RIMS3: variants seen among roughly 807,000 people sequenced by gnomAD.
RIMS3 encodes regulating synaptic membrane exocytosis 3.
Under a neutral mutation model 29.2 loss-of-function variants are expected in RIMS3, and 15 were observed. The observed-to-expected ratio is 0.51, with a 90% CI of 0.34 to 0.79. The LOEUF is 0.79. Ranked by LOEUF, RIMS3 falls within the 30% of genes least tolerant of loss-of-function variation. The pLI is 0.01. For missense variants in RIMS3, 342 were observed against 421.4 expected, an observed-to-expected ratio of 0.81 and a Z score of 1.65; for synonymous variants, 161 against 170.1, an observed-to-expected ratio of 0.95 and a Z score of 0.41.
In RIMS3 at chr1:40,654,186, C is replaced by T. The variant is rs986835944; in HGVS notation, c.-206-6344G>A. ...CCCCCTCCCCGCCCCTCCCCCGCGC[C>T]GCTGACGAGGCCGGATCAATATTTC... On this transcript the variant is annotated intron_variant, in intron 1 of 7. Coordinates refer to ENST00000372684, the MANE Select transcript of RIMS3 (RefSeq NM_014747.3). The surrounding 1 kb of genome is among the most constrained non-coding windows in gnomAD (Gnocchi z 5.3). Among the ~76,000 whole-genome samples, 3 of 151,736 alleles carry T rather than the reference C, an allele frequency of 2.0e-5. No individual in the cohort carries two copies. Among genetic ancestry groups the T allele is most frequent in the Non-Finnish European group, 4.4e-5 (3 of 67,894 alleles).
At chr1:40,660,310 C>A (rs1427017243) in intron 1 of RIMS3, among the ~76,000 whole-genome samples, 1 of 151,192 alleles carries the variant, frequency 6.6e-6, no homozygotes, top group Non-Finnish European at 1.5e-5. Context: ...TGGACCTGAA[C>A]TGAAGCTGAT....
chr1:40,648,539 G>C (rs911131819), intron 1 of RIMS3, among the ~76,000 whole-genome samples: 2 of 152,256 alleles, frequency 1.3e-5, no homozygotes, highest in Non-Finnish European at 2.9e-5. Context: ...GATAATGCCT[G>C]CTTTAGGATT....
intron 3 of RIMS3, among the ~76,000 whole-genome samples, chr1:40,641,341 T>C (rs971944104): frequency 6.6e-6 from 1 of 152,196 alleles, no homozygotes; most frequent in African/African-American, 2.4e-5. Context: ...GCCAGGATCA[T>C]AAGGCTGTTT....
chr1:40,636,464 G>T lies in RIMS3; in HGVS notation c.218-407C>A, dbSNP rs1387264090. ...TCTTCTGGAAAGTTCATCTTCTCTG[G>T]GATTCTCAGACTGACTTTCCCTCTT... On this transcript the variant is annotated intron_variant, in intron 3 of 7. Coordinates refer to ENST00000372684, the MANE Select transcript of RIMS3 (RefSeq NM_014747.3). This position sits in a 1 kb window ranked among gnomAD's most constrained non-coding sequence, Gnocchi z 4.2. Among the ~76,000 whole-genome samples the T allele has an allele frequency of 6.6e-6, 1 of 152,044 alleles. No homozygotes were observed. The highest frequency in any genetic ancestry group is 1.5e-5 in the Non-Finnish European group (1 of 68,020).
At chr1:40,671,650 G>C in the RIMS3 span, among the ~76,000 whole-genome samples, 6 of 152,122 alleles carry the variant, frequency 3.9e-5, no homozygotes, top group East Asian at 9.7e-4. Flanking sequence ...CTTCAGCCAT[G>C]ATTGGAAGCT....
intron 3 of RIMS3, among the ~76,000 whole-genome samples, chr1:40,637,941 C>G (rs994624556): frequency 5.3e-5 from 8 of 152,194 alleles, no homozygotes; most frequent in African/African-American, 1.9e-4. Flanking sequence ...CTTCATATCT[C>G]TACCCCACAA....
At chr1:40,642,703 C>T (rs769814771) in intron 2 of RIMS3, among the ~76,000 whole-genome samples, 8 of 151,980 alleles carry the variant, frequency 5.3e-5, no homozygotes, top group Admixed American at 2.0e-4. Context: ...TGCCTGTAAT[C>T]CTAGCACTTT....
At position 40,636,155 on chromosome 1, in the gene RIMS3, G is replaced by A. The variant is rs1570176677; in HGVS notation, c.218-98C>T. On this transcript the variant is annotated intron_variant, in intron 3 of 7. Coordinates refer to ENST00000372684, the MANE Select transcript of RIMS3 (RefSeq NM_014747.3). The surrounding 1 kb of genome is among the most constrained non-coding windows in gnomAD (Gnocchi z 4.2). ...TGCCAAAGTCACTCTCTTGGCATGGGGGGTTGATGGGGAGGATGAGCAGGG... is the reference window on the plus strand; with the variant it reads ...TGCCAAAGTCACTCTCTTGGCATGGAGGGTTGATGGGGAGGATGAGCAGGG... 12 of 1,443,348 alleles carry A rather than the reference G, an allele frequency of 8.3e-6. No individual in the cohort carries two copies. The highest frequency in any genetic ancestry group is 6.0e-5 in the South Asian group (5 of 83,282). The allele number at this position is 1,443,348 out of a possible 1,614,324, so 89.4% of individuals were successfully genotyped here.
intron 5 of RIMS3, among the ~76,000 whole-genome samples, chr1:40,631,300 C>T (rs1039010447): frequency 2.6e-5 from 4 of 152,132 alleles, no homozygotes; most frequent in African/African-American, 9.7e-5. Context: ...CTAACAGGAC[C>T]AAGCGTAGGC....
the RIMS3 span, among the ~76,000 whole-genome samples, chr1:40,680,846 C>T: frequency 6.6e-6 from 1 of 152,158 alleles, no homozygotes; most frequent in East Asian, 1.9e-4. Flanking sequence ...ATTTGAAACA[C>T]ATTGTCCATA....
At position 40,623,141 on chromosome 1, in the gene RIMS3, C is replaced by T; in HGVS notation, c.*3376G>A. The T allele has an allele frequency of 3.0e-6, 1 of 336,872 alleles. No individual in the cohort carries two copies. The highest frequency in any genetic ancestry group is 5.3e-6 in the Non-Finnish European group (1 of 187,280). The allele number at this position is 336,872 out of a possible 1,614,324, so 20.9% of individuals were successfully genotyped here. A position where few individuals can be genotyped will look rare whatever the true frequency, so the allele number is the denominator to read the frequency against. Reference sequence around the variant, plus strand: ...TGGCCTTTCTTGGAGCTCCTGGGTTCTGCCTCAGCCCCCATGAAATGCTGG... The same window carrying T: ...TGGCCTTTCTTGGAGCTCCTGGGTTTTGCCTCAGCCCCCATGAAATGCTGG... On this transcript the variant is annotated 3_prime_UTR_variant, in exon 8 of 8. Transcript: ENST00000372684.
At position 40,626,156 on chromosome 1, in the gene RIMS3, C is replaced by A; in HGVS notation, c.*361G>T. On this transcript the variant is annotated 3_prime_UTR_variant, in exon 8 of 8. Transcript: ENST00000372684. ...GGACCAGGCAGCACCGACCAGTGGCCGCATGCCCCACCTCCATCCCTGGAG... is the reference window on the plus strand; with the variant it reads ...GGACCAGGCAGCACCGACCAGTGGCAGCATGCCCCACCTCCATCCCTGGAG... The A allele has an allele frequency of 2.8e-6, 1 of 353,636 alleles. No homozygotes were observed. The highest frequency in any genetic ancestry group is 6.7e-5 in the East Asian group (1 of 14,922). The allele number at this position is 353,636 out of a possible 1,614,324, so 21.9% of individuals were successfully genotyped here. A position where few individuals can be genotyped will look rare whatever the true frequency, so the allele number is the denominator to read the frequency against.
chr1:40,660,991 C>T (rs1202018269), intron 1 of RIMS3, among the ~76,000 whole-genome samples: 1 of 152,122 alleles, frequency 6.6e-6, no homozygotes, highest in African/African-American at 2.4e-5. Context: ...TGAGAGAGTC[C>T]TCCCTTCTCC....
the RIMS3 span, among the ~76,000 whole-genome samples, chr1:40,677,893 C>A: frequency 6.6e-6 from 1 of 152,086 alleles, no homozygotes; most frequent in Non-Finnish European, 1.5e-5. Flanking sequence ...TAACCTGTAC[C>A]CTCTACAGAG....
At chr1:40,642,124 TAA>T (rs962344294) in intron 2 of RIMS3, among the ~76,000 whole-genome samples, 168 bp from the exon 3 acceptor site, 5 of 152,190 alleles carry the variant, frequency 3.3e-5, no homozygotes, top group Non-Finnish European at 5.9e-5. Flanking sequence ...TCTGGCTCAA[TAA>T]AAGAGACTAT....
chr1:40,675,421 T>C, the RIMS3 span, among the ~76,000 whole-genome samples: 27 of 151,732 alleles, frequency 1.8e-4, 1 homozygote, highest in South Asian at 2.7e-3. Context: ...CAGGAATTCA[T>C]GACCAGCCTA....
At position 40,643,026 on chromosome 1, in the gene RIMS3, T is replaced by G. The variant is rs959942658; in HGVS notation, c.-31-1070A>C. On this transcript the variant is annotated intron_variant, in intron 2 of 7. Transcript: ENST00000372684. ...TAACACTATGTATGCTACCGTGATA[T>G]TCCATTGTATAGAAGTAGCATAATT... 3.3e-4 allele frequency among the ~76,000 whole-genome samples: 50 copies of G among 152,190 alleles called. 2 individuals carry two copies.
At chr1:40,660,874 G>A (rs1447993245) in intron 1 of RIMS3, among the ~76,000 whole-genome samples, 1 of 152,118 alleles carries the variant, frequency 6.6e-6, no homozygotes, top group Non-Finnish European at 1.5e-5. Context: ...TGGCAAATCA[G>A]GACCATGAAA....
chr1:40,687,857 T>C, the RIMS3 span, among the ~76,000 whole-genome samples: 8 of 152,330 alleles, frequency 5.3e-5, no homozygotes, highest in East Asian at 1.3e-3. Flanking sequence ...CCAGTTCAAA[T>C]GTCACATCCT....
Sources: allele counts gnomAD v4.1 joint callset (sites outside exome capture counted in the v4.1 genomes callset), GRCh38; gene constraint gnomAD v4.1.1; non-coding constraint Gnocchi (gnomAD v3.1); transcripts MANE v1.5; gene names NCBI Gene and HGNC (gene_info 2026-07-23, HGNC 2026-07-21).